The following MAGI2 variants were observed in gnomAD, a reference collection of about 807,000 sequenced individuals.
MAGI2 encodes the protein membrane-associated guanylate kinase, WW and PDZ domain-containing protein 2.
Under a neutral mutation model 133.3 loss-of-function variants are expected in MAGI2, and 35 were observed. The observed-to-expected ratio is 0.26, with a 90% confidence interval of 0.20 to 0.35. MAGI2 has a LOEUF of 0.35. Among genes scored for constraint, MAGI2 ranks in the 10% least tolerant of loss-of-function variants. The pLI is 1.00. For missense variants in MAGI2, 1,636 were observed against 1,863.4 expected, an observed-to-expected ratio of 0.88 and a Z score of 2.25; for synonymous variants, 729 against 710.6, an observed-to-expected ratio of 1.03 and a Z score of -0.41.
At chr7:78,539,973 G>A (rs1798272008) in intron 3 of MAGI2, among the ~76,000 whole-genome samples, 1 of 152,194 alleles carries the variant, frequency 6.6e-6, no homozygotes, top group African/African-American at 2.4e-5. Flanking sequence ...TTGGAGCAGG[G>A]TTATTCTTTT....
At chr7:78,591,254 CT>C (rs1803972333) in intron 3 of MAGI2, among the ~76,000 whole-genome samples, 2 of 152,186 alleles carry the variant, frequency 1.3e-5, no homozygotes, top group Non-Finnish European at 2.9e-5. Flanking sequence ...GACTATATCT[CT>C]TCTCCTTCCT....
intron 2 of MAGI2, among the ~76,000 whole-genome samples, chr7:78,907,664 G>T (rs112256508): frequency 1.3e-4 from 20 of 152,106 alleles, no homozygotes; most frequent in African/African-American, 4.3e-4. Flanking sequence ...CTTCCTGAAG[G>T]CTCTTAAAAT....
rs185527079 is a variant in MAGI2, at chr7:78,890,293, C to A, written c.418+116797G>T. Among the ~76,000 whole-genome samples, 11 of 151,990 alleles carry A rather than the reference C, an allele frequency of 7.2e-5. No homozygotes were observed. In the East Asian group the frequency reaches 2.1e-3, roughly 29 times the overall value. On this transcript the variant is annotated intron_variant, in intron 2 of 21. Transcript: ENST00000354212. ...AATAATAATGGGGGACTTTAACACCCCACTGTCAACATTGGACAGATCAAT... is the reference window on the plus strand; with the variant it reads ...AATAATAATGGGGGACTTTAACACCACACTGTCAACATTGGACAGATCAAT...
At chr7:79,265,719 G>A (rs549405147) in intron 1 of MAGI2, among the ~76,000 whole-genome samples, 1 of 152,168 alleles carries the variant, frequency 6.6e-6, no homozygotes. Flanking sequence ...TCTCATGGTG[G>A]GGTGCTGCCT....
chr7:79,213,223 T>C (rs2129552818), intron 1 of MAGI2, among the ~76,000 whole-genome samples: 1 of 151,638 alleles, frequency 6.6e-6, no homozygotes, highest in South Asian at 2.1e-4. Flanking sequence ...TGTATATATA[T>C]ATGTGTGTGT....
intron 2 of MAGI2, among the ~76,000 whole-genome samples, chr7:78,689,734 T>C (rs1472199049): frequency 7.1e-6 from 1 of 141,702 alleles, no homozygotes; most frequent in Admixed American, 7.5e-5. Flanking sequence ...CTAAAATTTA[T>C]CCATGCTGTT....
At chr7:79,259,070 C>T (rs1168682847) in intron 1 of MAGI2, among the ~76,000 whole-genome samples, 2 of 152,284 alleles carry the variant, frequency 1.3e-5, no homozygotes, top group East Asian at 1.9e-4. Flanking sequence ...GCATGCTTTA[C>T]GTCTTTGGAA....
intron 2 of MAGI2, among the ~76,000 whole-genome samples, chr7:78,863,739 A>C (rs1321340647): frequency 6.6e-6 from 1 of 152,254 alleles, no homozygotes; most frequent in Non-Finnish European, 1.5e-5. Context: ...CTTTGAGCTG[A>C]TAAAGGCCAG....
At chr7:78,392,383 A>G (rs1795974844) in intron 6 of MAGI2, among the ~76,000 whole-genome samples, 1 of 152,166 alleles carries the variant, frequency 6.6e-6, no homozygotes, top group Non-Finnish European at 1.5e-5. Flanking sequence ...TGTGAGATAG[A>G]GAGATACTTT....
chr7:78,502,610 T>C (rs1036537792), intron 4 of MAGI2, among the ~76,000 whole-genome samples: 5 of 152,220 alleles, frequency 3.3e-5, no homozygotes, highest in Admixed American at 2.0e-4. Flanking sequence ...AATCTCTTAC[T>C]GCATCTGATT....
At chr7:79,184,161 T>G (rs1017976681) in intron 1 of MAGI2, among the ~76,000 whole-genome samples, 1 of 151,902 alleles carries the variant, frequency 6.6e-6, no homozygotes, top group South Asian at 2.1e-4. Flanking sequence ...CTACAAAAAA[T>G]GATAAAAATG....
chr7:79,230,568 T>A (rs1293460915), intron 1 of MAGI2, among the ~76,000 whole-genome samples: 1 of 151,764 alleles, frequency 6.6e-6, no homozygotes, highest in Non-Finnish European at 1.5e-5. Context: ...TTTCATGTGT[T>A]TTTTGGCTGC....
intron 1 of MAGI2, among the ~76,000 whole-genome samples, chr7:79,196,290 A>C (rs973614619): frequency 6.6e-6 from 1 of 151,798 alleles, no homozygotes; most frequent in Admixed American, 6.6e-5. Context: ...AAAGTTATAC[A>C]AATATTCTTT....
intron 1 of MAGI2, among the ~76,000 whole-genome samples, chr7:79,034,092 C>T (rs1164042643): frequency 6.6e-6 from 1 of 152,134 alleles, no homozygotes; most frequent in African/African-American, 2.4e-5. Context: ...ATTCTTCCAT[C>T]TACGCTAAAT....
chr7:79,280,994 A>T (rs536572897), intron 1 of MAGI2, among the ~76,000 whole-genome samples: 1 of 144,736 alleles, frequency 6.9e-6, no homozygotes, highest in Non-Finnish European at 1.5e-5. Flanking sequence ...CTGCAGAATG[A>T]ATTTTCCAAG....
chr7:78,527,274 G>T (rs1797060307), intron 3 of MAGI2, among the ~76,000 whole-genome samples: 1 of 152,128 alleles, frequency 6.6e-6, no homozygotes, highest in Non-Finnish European at 1.5e-5. Context: ...TCTGAAAGCA[G>T]TGAGAATAGC....
In MAGI2 at chr7:79,353,727, G is replaced by A. The variant is rs115182159; in HGVS notation, c.301+99293C>T. ...TGATTTGCAGTGTTGGGCTCTTCCTGATTAGTCTCCTTCTAGGTCTGAACC... is the reference window on the plus strand; with the variant it reads ...TGATTTGCAGTGTTGGGCTCTTCCTAATTAGTCTCCTTCTAGGTCTGAACC... On this transcript the variant is annotated intron_variant, in intron 1 of 21. Coordinates refer to ENST00000354212, the MANE Select transcript of MAGI2 (RefSeq NM_012301.4). The A allele has an allele frequency of 5.1e-3, 1,410 of 274,046 alleles. 13 individuals are homozygous for A. Among genetic ancestry groups the A allele is most frequent in the African/African-American group, 0.029 (1,332 of 45,374 alleles). 17.0% of individuals were successfully genotyped at this position (274,046 alleles called of 1,614,324 possible).
chr7:78,058,894 T>C (rs1053003935), intron 21 of MAGI2, among the ~76,000 whole-genome samples: 8 of 152,224 alleles, frequency 5.3e-5, no homozygotes, highest in Non-Finnish European at 8.8e-5. Flanking sequence ...TCCCTGATGA[T>C]GGCTCTGCCG....
rs534296131 is a variant in MAGI2, at chr7:78,190,651, A to C, written c.2269+4223T>G. Reference sequence around the variant, plus strand: ...AAATCAGAAATAAGTGGTGGACGCAAGGATGCAGTCACACATAGAGAAAGA... The same window carrying C: ...AAATCAGAAATAAGTGGTGGACGCACGGATGCAGTCACACATAGAGAAAGA... On this transcript the variant is annotated intron_variant, in intron 12 of 21. Transcript: ENST00000354212. Among the ~76,000 whole-genome samples, 19 of 152,284 alleles carry C rather than the reference A, an allele frequency of 1.2e-4. No individual in the cohort carries two copies. The South Asian group carries it at 3.9e-3, about 32-fold the overall frequency.
Sources: gnomAD v4.1 joint callset for allele counts (sites outside exome capture counted in the v4.1 genomes callset) on GRCh38, gnomAD v4.1.1 for gene constraint, MANE v1.5 for transcripts, NCBI Gene and HGNC (gene_info 2026-07-23, HGNC 2026-07-21) for gene names.